NEGR1: variants seen among roughly 807,000 people sequenced by gnomAD.
NEGR1 encodes neuronal growth regulator 1.
In NEGR1, 10 loss-of-function variants were observed where a neutral mutation model predicts 40.9. That is an observed-to-expected ratio of 0.24 (90% CI 0.15 to 0.42). The LOEUF is 0.42. NEGR1 is among the 10% of genes least tolerant of loss of function. The pLI is 1.00. For missense variants in NEGR1, 352 were observed against 438.9 expected, an observed-to-expected ratio of 0.80 and a Z score of 1.77; for synonymous variants, 185 against 166.8, an observed-to-expected ratio of 1.11 and a Z score of -0.84.
At chr1:71,750,483 C>T (rs1236651544) in intron 3 of NEGR1, among the ~76,000 whole-genome samples, 1 of 152,150 alleles carries the variant, frequency 6.6e-6, no homozygotes, top group Non-Finnish European at 1.5e-5. Context: ...AATTGACTCA[C>T]TGTTCCACAT....
chr1:71,663,736 T>C (rs1235551787), intron 4 of NEGR1, among the ~76,000 whole-genome samples: 2 of 152,220 alleles, frequency 1.3e-5, no homozygotes, highest in Non-Finnish European at 2.9e-5. Flanking sequence ...TGTGCCTTCA[T>C]ACATGATTGA....
At chr1:72,128,254 T>C in intron 1 of NEGR1, among the ~76,000 whole-genome samples, 1 of 152,178 alleles carries the variant, frequency 6.6e-6, no homozygotes, top group East Asian at 1.9e-4. Flanking sequence ...TGGATCATGA[T>C]AATGCATTCC....
chr1:71,682,310 T>C (rs994285205), intron 4 of NEGR1, among the ~76,000 whole-genome samples: 3 of 152,206 alleles, frequency 2.0e-5, no homozygotes, highest in African/African-American at 7.2e-5. Context: ...TTTGCTCATA[T>C]TCAAGGTTCA....
At chr1:71,504,796 T>G (rs529817741) in intron 6 of NEGR1, among the ~76,000 whole-genome samples, 1 of 152,170 alleles carries the variant, frequency 6.6e-6, no homozygotes, top group South Asian at 2.1e-4. Flanking sequence ...TTAATTAGAT[T>G]GAGACCAGAG....
At chr1:71,631,478 T>A (rs1393531781) in intron 4 of NEGR1, among the ~76,000 whole-genome samples, 1 of 151,842 alleles carries the variant, frequency 6.6e-6, no homozygotes, top group Non-Finnish European at 1.5e-5. Flanking sequence ...TCTCTTCCCA[T>A]CTGGCATAAT....
At chr1:72,222,094 A>T (rs952772049) in intron 1 of NEGR1, among the ~76,000 whole-genome samples, 1 of 152,218 alleles carries the variant, frequency 6.6e-6, no homozygotes. Context: ...GTAGACACAG[A>T]GAACAGGTCC....
At chr1:71,652,247 C>T (rs1241685346) in intron 4 of NEGR1, among the ~76,000 whole-genome samples, 4 of 152,172 alleles carry the variant, frequency 2.6e-5, no homozygotes, top group Non-Finnish European at 4.4e-5. Context: ...CAATTATTTG[C>T]ATGATGTCAT....
At chr1:71,706,970 G>A (rs974746901) in intron 3 of NEGR1, among the ~76,000 whole-genome samples, 1 of 152,038 alleles carries the variant, frequency 6.6e-6, no homozygotes, top group Non-Finnish European at 1.5e-5. Context: ...CAACTGTGAG[G>A]CATTAAACTC....
At position 72,174,817 on chromosome 1, in the gene NEGR1, C is replaced by A. The variant is rs1015962422; in HGVS notation, c.176+107502G>T. ...CTCTATAACATTGTATTATCACAAT[C>A]TAAGGGAGGCAACGAAGGATAGTAA... On this transcript the variant is annotated intron_variant, in intron 1 of 6. Coordinates refer to ENST00000357731, the MANE Select transcript of NEGR1 (RefSeq NM_173808.3). Among the ~76,000 whole-genome samples, 3 of 152,094 alleles carry A rather than the reference C, an allele frequency of 2.0e-5. No homozygotes were observed. In the East Asian group the frequency reaches 5.8e-4, roughly 29 times the overall value.
rs1038003183 is a variant in NEGR1 at position 71,397,592 on chromosome 1, G to A, written c.*9854C>T. 1 of 152,250 alleles carries A rather than the reference G, an allele frequency of 6.6e-6. No individual in the cohort carries two copies. The highest frequency in any genetic ancestry group is 1.5e-5 in the Non-Finnish European group (1 of 68,086). The allele number at this position is 152,250 out of a possible 1,614,324, so 9.4% of individuals were successfully genotyped here. On this transcript the variant is annotated 3_prime_UTR_variant, in exon 7 of 7. Transcript: ENST00000357731. ...TCTGCCTGTCTCAGACTCCCAAAGT[G>A]CTGAGATTACAAGCATGAGCCAGTG...
chr1:71,415,111 T>G (rs948687675), intron 6 of NEGR1, among the ~76,000 whole-genome samples: 1 of 152,104 alleles, frequency 6.6e-6, no homozygotes, highest in Non-Finnish European at 1.5e-5. Context: ...ATTTATATAC[T>G]TATTCTAACA....
At chr1:71,921,772 T>G (rs1428263540) in intron 2 of NEGR1, among the ~76,000 whole-genome samples, 1 of 147,794 alleles carries the variant, frequency 6.8e-6, no homozygotes, top group African/African-American at 2.5e-5. Flanking sequence ...ACATACATAT[T>G]TTATAACATA....
chr1:71,543,251 C>A (rs1647774586), intron 6 of NEGR1, among the ~76,000 whole-genome samples: 1 of 151,600 alleles, frequency 6.6e-6, no homozygotes. Flanking sequence ...GTGCTTGTGA[C>A]AACCCCCCAA....
At chr1:71,811,858 A>ATTTTAT (rs559784147) in intron 2 of NEGR1, among the ~76,000 whole-genome samples, 20 of 137,498 alleles carry the variant, frequency 1.5e-4, no homozygotes, top group East Asian at 4.1e-4. Flanking sequence ...AGTTCTATTT[A>ATTTTAT]TTTATTTTAT....
At chr1:72,227,169 TTCC>T (rs1444998970) in intron 1 of NEGR1, among the ~76,000 whole-genome samples, 1 of 152,074 alleles carries the variant, frequency 6.6e-6, no homozygotes, top group African/African-American at 2.4e-5. Flanking sequence ...GGAACTCAGT[TTCC>T]TCATCTCTAA....
At chr1:71,728,793 G>C (rs532510569) in intron 3 of NEGR1, among the ~76,000 whole-genome samples, 1 of 152,058 alleles carries the variant, frequency 6.6e-6, no homozygotes, top group Non-Finnish European at 1.5e-5. Flanking sequence ...GCTCATTAGC[G>C]TAAGTTTTCT....
chr1:72,195,895 T>A (rs1340942176), intron 1 of NEGR1, among the ~76,000 whole-genome samples: 2 of 152,144 alleles, frequency 1.3e-5, no homozygotes, highest in African/African-American at 2.4e-5. Context: ...TGATGTAAGT[T>A]TGGGGAAAAC....
chr1:71,594,804 G>T (rs138482766), intron 5 of NEGR1, among the ~76,000 whole-genome samples: 2,099 of 152,198 alleles, frequency 0.014, 62 homozygotes, highest in African/African-American at 0.048. Flanking sequence ...TCATTGCCTT[G>T]CAAGTTTCAG....
chr1:72,148,625 A>G (rs1040047259), intron 1 of NEGR1, among the ~76,000 whole-genome samples: 2 of 152,126 alleles, frequency 1.3e-5, no homozygotes, highest in African/African-American at 4.8e-5. Context: ...ACAGCACCCA[A>G]GTCACCTTTC....
Sources: allele counts gnomAD v4.1 joint callset (sites outside exome capture counted in the v4.1 genomes callset), GRCh38; gene constraint gnomAD v4.1.1; transcripts MANE v1.5; gene names NCBI Gene and HGNC (gene_info 2026-07-23, HGNC 2026-07-21).